The following AAAS variants were observed in gnomAD, a reference collection of about 807,000 sequenced individuals.
The protein encoded by AAAS is aladin.
AAAS carries 60 observed loss-of-function variants against 75.6 expected under a neutral mutation model. The observed-to-expected ratio is 0.79, with a 90% CI of 0.64 to 0.98. AAAS has a LOEUF of 0.98. AAAS is among the 50% of genes least tolerant of loss of function. AAAS has a pLI of 0.00. For missense variants in AAAS, 658 were observed against 686.9 expected, an observed-to-expected ratio of 0.96 and a Z score of 0.47; for synonymous variants, 271 against 265.0, an observed-to-expected ratio of 1.02 and a Z score of -0.22.
intron 8 of AAAS, 43 bp downstream of exon 8, chr12:53,309,558 T>G: frequency 6.2e-7 from 1 of 1,612,980 alleles, no homozygotes; most frequent in African/African-American, 1.3e-5. Flanking sequence ...AGGAACACTT[T>G]TGCCAGGACT....
intron 5 of AAAS, 85 bp downstream of exon 5, chr12:53,315,009 G>A (rs2136811262): frequency 6.6e-7 from 1 of 1,525,894 alleles, no homozygotes; most frequent in South Asian, 1.1e-5. Context: ...ATCAGAAAAG[G>A]AGTAGGAGTC....
In AAAS at chr12:53,311,256, CATTT is replaced by C. The variant is rs533954220; in HGVS notation, c.690-1539_690-1536del. On this transcript the variant is annotated intron_variant, in intron 7 of 15. Coordinates refer to ENST00000209873, the MANE Select transcript of AAAS (RefSeq NM_015665.6). ...ATCACGCCTGGCCTTGTTTTTTGTT[CATTT>C]ATTTAAAAAAATTTTTTTAAATCGA... Among the ~76,000 whole-genome samples the C allele has an allele frequency of 3.3e-5, 5 of 152,092 alleles. No individual in the cohort carries two copies. In the South Asian group the frequency reaches 8.3e-4, roughly 25 times the overall value.
Position 53,320,606 on chromosome 12 carries a change from G to A in AAAS, c.210C>T (p.Ile70=), listed in dbSNP as rs1397642755. ...RLDHGTRTAF[I]HHREQVWKRC... The stretch of plus-strand genomic sequence containing the variant: ...TCTTCCACACTTGCTCCCGGTGATG[G>A]ATGAAGGCAGTTCTTGTGCCATGGT... Residue 70 remains isoleucine (I), a synonymous_variant, in exon 2 of 16, where the codon ATC becomes ATT. Coordinates refer to ENST00000209873, the MANE Select transcript of AAAS (RefSeq NM_015665.6). 2.5e-6 allele frequency: 4 copies of A among 1,614,066 alleles called. No homozygotes were observed. The highest frequency in any genetic ancestry group is 3.4e-6 in the Non-Finnish European group (4 of 1,179,994).
At position 53,314,853 on chromosome 12, in the gene AAAS, A is replaced by C; in HGVS notation, c.447-4T>G. 4 of 1,612,794 alleles carry C rather than the reference A, an allele frequency of 2.5e-6. No homozygotes were observed. The South Asian group carries it at 3.3e-5, about 13-fold the overall frequency. On this transcript the variant is annotated splice_polypyrimidine_tract_variant and splice_region_variant and intron_variant, in intron 5 of 15. Coordinates refer to ENST00000209873, the MANE Select transcript of AAAS (RefSeq NM_015665.6). ...GACACGCAAGCAGCAGCTGGACCTA[A>C]GGAAGGGGTTAACATGAAGAGTTCC...
rs1304311529 is a variant in AAAS, at chr12:53,316,482, G to A, written c.252-700C>T. Among the ~76,000 whole-genome samples the A allele has an allele frequency of 2.0e-5, 3 of 148,820 alleles. No individual in the cohort carries two copies. The Admixed American group carries it at 2.0e-4, about 10-fold the overall frequency. ...AAAAGAAGAAAAAAAAAAAAGAATA[G>A]AAAAGGCCAGGCGCGGTGGCTCACA... On this transcript the variant is annotated intron_variant, in intron 2 of 15. Coordinates refer to ENST00000209873, the MANE Select transcript of AAAS (RefSeq NM_015665.6).
Position 53,309,286 on chromosome 12 carries a change from G to A in AAAS, c.811-5C>T, listed in dbSNP as rs1944349375. The stretch of plus-strand genomic sequence containing the variant: ...CTCTGTTGAGACATCCCATACCTAG[G>A]AGAGTGGGGCAGGAGATAAGGGAAA... On this transcript the variant is annotated splice_polypyrimidine_tract_variant and splice_region_variant and intron_variant, in intron 8 of 15. Coordinates refer to ENST00000209873, the MANE Select transcript of AAAS (RefSeq NM_015665.6). The A allele has an allele frequency of 6.2e-7, 1 of 1,613,742 alleles. No individual in the cohort carries two copies. Among genetic ancestry groups the A allele is most frequent in the African/African-American group, 1.3e-5 (1 of 75,040 alleles).
chr12:53,320,624 G>C lies in AAAS; in HGVS notation c.192C>G (p.Gly64=). 6.2e-7 allele frequency: 1 copy of C among 1,614,146 alleles called. No individual in the cohort carries two copies. Among genetic ancestry groups the C allele is most frequent in the Non-Finnish European group, 8.5e-7 (1 of 1,180,038 alleles). ...PLKTPGRLDH[G]TRTAFIHHRE... is the part of the protein sequence containing the mutation. Reference sequence around the variant, plus strand: ...GGTGATGGATGAAGGCAGTTCTTGTGCCATGGTCCAGCCTTCCAGGGGTCT... The same window carrying C: ...GGTGATGGATGAAGGCAGTTCTTGTCCCATGGTCCAGCCTTCCAGGGGTCT... The change falls in exon 2 of 16, where the codon GGC becomes GGG. Residue 64 remains glycine (G), a synonymous_variant. Coordinates refer to ENST00000209873, the MANE Select transcript of AAAS (RefSeq NM_015665.6).
Position 53,309,148 on chromosome 12 carries a change from C to T in AAAS, c.935+9G>A, listed in dbSNP as rs1440855989. On this transcript the variant is annotated intron_variant, in intron 9 of 15. Transcript: ENST00000209873. ...GTCCTTGCCCTCCCTCCATCCTTGT[C>T]CCACTCACCGAAAGACAGCTGAAGG... 1.9e-6 allele frequency: 3 copies of T among 1,614,206 alleles called. No homozygotes were observed. Among genetic ancestry groups the T allele is most frequent in the Admixed American group, 3.3e-5 (2 of 60,016 alleles).
At chr12:53,317,165 C>T (rs1674311547) in intron 2 of AAAS, among the ~76,000 whole-genome samples, 1 of 150,596 alleles carries the variant, frequency 6.6e-6, no homozygotes, top group African/African-American at 2.5e-5. Context: ...TGGCTCACAC[C>T]TGTAATCCCA....
chr12:53,321,570 T>TACCGCAAGGGACAAACGGCGAGGCGGAA lies in AAAS; in HGVS notation c.-133_-106dup. On this transcript the variant is annotated 5_prime_UTR_variant, in exon 1 of 16. Coordinates refer to ENST00000209873, the MANE Select transcript of AAAS (RefSeq NM_015665.6). ...CGGGCTAGATTCGTATGCGGACGGG[T>TACCGCAAGGGACAAACGGCGAGGCGGAA]ACCGCAAGGGACAAACGGCGAGGCG... is the stretch of plus-strand genomic sequence containing the variant. 1 of 1,586,312 alleles carries TACCGCAAGGGACAAACGGCGAGGCGGAA rather than the reference T, an allele frequency of 6.3e-7. No homozygotes were observed. Among genetic ancestry groups the TACCGCAAGGGACAAACGGCGAGGCGGAA allele is most frequent in the Non-Finnish European group, 8.6e-7 (1 of 1,165,132 alleles).
intron 7 of AAAS, among the ~76,000 whole-genome samples, chr12:53,312,952 G>C (rs1180043345): frequency 2.7e-5 from 4 of 150,676 alleles, no homozygotes; most frequent in African/African-American, 4.9e-5. Context: ...CGCCTCCCAG[G>C]TTCAAGTGAC....
chr12:53,309,189 T>C lies in AAAS; in HGVS notation c.903A>G (p.Lys301=). ...CAGCTGAAGGAGTGGTAGCCAGGAT[T>C]TTGCTGCCGTCTGGGGACCAGAGCA... ...TNLLWSPDGS[K]ILATTPSAVF... Residue 301 remains lysine, a synonymous_variant, in exon 9 of 16, where the codon AAA becomes AAG. Transcript: ENST00000209873. The C allele has an allele frequency of 2.5e-6, 4 of 1,613,896 alleles. No individual in the cohort carries two copies. Among genetic ancestry groups the C allele is most frequent in the Non-Finnish European group, 3.4e-6 (4 of 1,179,992 alleles).
chr12:53,311,420 C>T (rs1200278040), intron 7 of AAAS, among the ~76,000 whole-genome samples: 1 of 152,184 alleles, frequency 6.6e-6, no homozygotes, highest in African/African-American at 2.4e-5. Context: ...CGCCACCACA[C>T]CCAGCTAATT....
At chr12:53,309,418 T>C in intron 8 of AAAS, 137 bp from the exon 9 acceptor site, 7 of 1,512,990 alleles carry the variant, frequency 4.6e-6, no homozygotes, top group Non-Finnish European at 6.3e-6. Context: ...CACGGGTTCA[T>C]GCTGACAATT....
At chr12:53,308,567 C>G (rs1177802648) in intron 11 of AAAS, 39 bp from the exon 12 acceptor site, 14 of 1,612,986 alleles carry the variant, frequency 8.7e-6, no homozygotes, top group Non-Finnish European at 1.2e-5. Context: ...TTGCAAGAAA[C>G]AGGCCTCTCA....
At chr12:53,318,249 T>TGTGTGTGTGTGC (rs1555191464) in intron 2 of AAAS, among the ~76,000 whole-genome samples, 79 of 140,850 alleles carry the variant, frequency 5.6e-4, no homozygotes, top group African/African-American at 1.3e-3. Flanking sequence ...TGTGTGCGTG[T>TGTGTGTGTGTGC]GTGTGTGTGT....
chr12:53,316,506 C>T (rs1212697306), intron 2 of AAAS, among the ~76,000 whole-genome samples: 1 of 149,636 alleles, frequency 6.7e-6, no homozygotes, highest in Non-Finnish European at 1.5e-5. Context: ...CGGTGGCTCA[C>T]ACCTGTAATC....
intron 7 of AAAS, among the ~76,000 whole-genome samples, chr12:53,312,858 ATATAT>A (rs1379953216): frequency 1.1e-4 from 5 of 47,474 alleles, no homozygotes; most frequent in Non-Finnish European, 2.2e-4. Flanking sequence ...GTATATATAT[ATATAT>A]TTTTTTTTTT....
chr12:53,312,441 T>G (rs545158528), intron 7 of AAAS, among the ~76,000 whole-genome samples: 4 of 150,698 alleles, frequency 2.7e-5, no homozygotes, highest in Non-Finnish European at 5.9e-5. Context: ...AGTGCGTGCC[T>G]GTAGTCCCAG....
Sources: allele counts gnomAD v4.1 joint callset (sites outside exome capture counted in the v4.1 genomes callset), GRCh38; gene constraint gnomAD v4.1.1; transcripts MANE v1.5; gene names NCBI Gene and HGNC (gene_info 2026-07-23, HGNC 2026-07-21).